The following PDE3A variants were observed in gnomAD, a reference collection of about 807,000 sequenced individuals.
The protein encoded by PDE3A is phosphodiesterase 3A, also known as cGMP-inhibited 3',5'-cyclic phosphodiesterase 3A.
Under a neutral mutation model 98.3 loss-of-function variants are expected in PDE3A, and 43 were observed. That is an observed-to-expected ratio of 0.44 (90% CI 0.34 to 0.56). PDE3A has a LOEUF of 0.56. Ranked by LOEUF, PDE3A falls within the 20% of genes least tolerant of loss-of-function variation. PDE3A has a pLI of 0.01. For synonymous variants in PDE3A, 663 were observed against 567.9 expected (o/e 1.17, Z -2.38); for missense variants, 1,427 against 1,440.7 (o/e 0.99, Z 0.15).
intron 1 of PDE3A, among the ~76,000 whole-genome samples, chr12:20,448,657 C>A (rs766623778): frequency 2.0e-5 from 3 of 151,484 alleles, no homozygotes; most frequent in Non-Finnish European, 4.4e-5. Flanking sequence ...TACGTAATTT[C>A]TAATATTGAT....
chr12:20,421,094 A>G (rs1944504750), intron 1 of PDE3A, among the ~76,000 whole-genome samples: 1 of 152,174 alleles, frequency 6.6e-6, no homozygotes, highest in Non-Finnish European at 1.5e-5. Flanking sequence ...CCACAATAAT[A>G]TTGACAAATA....
intron 2 of PDE3A, among the ~76,000 whole-genome samples, chr12:20,605,765 C>A (rs1943695673): frequency 1.3e-5 from 2 of 152,164 alleles, no homozygotes; most frequent in African/African-American, 2.4e-5. Flanking sequence ...TTTCTCAATT[C>A]TAATGTTTCA....
At chr12:20,443,603 G>A (rs931329756) in intron 1 of PDE3A, among the ~76,000 whole-genome samples, 2 of 152,020 alleles carry the variant, frequency 1.3e-5, no homozygotes, top group African/African-American at 4.8e-5. Context: ...TTTGCTGTGT[G>A]TACATTAAAT....
intron 1 of PDE3A, among the ~76,000 whole-genome samples, chr12:20,515,326 A>C (rs1185160691): frequency 6.6e-6 from 1 of 152,250 alleles, no homozygotes; most frequent in African/African-American, 2.4e-5. Context: ...TATACCACTA[A>C]CATGTTAAAT....
intron 5 of PDE3A, among the ~76,000 whole-genome samples, chr12:20,624,007 A>T (rs1944200580): frequency 2.0e-5 from 3 of 152,140 alleles, no homozygotes; most frequent in Admixed American, 2.0e-4. Flanking sequence ...GACAGTAATA[A>T]TACGTAATTC....
intron 1 of PDE3A, among the ~76,000 whole-genome samples, chr12:20,533,787 C>G (rs549842404): frequency 1.4e-4 from 21 of 151,990 alleles, no homozygotes; most frequent in Non-Finnish European, 2.8e-4. Flanking sequence ...CGCCCGGCCC[C>G]CACTTTCTTA....
chr12:20,568,424 C>T (rs1035405847), intron 2 of PDE3A, among the ~76,000 whole-genome samples: 1 of 151,768 alleles, frequency 6.6e-6, no homozygotes, highest in Non-Finnish European at 1.5e-5. Flanking sequence ...ATTCTATGTT[C>T]GTCATTTTAT....
At chr12:20,611,558 A>T (rs1429640270) in intron 2 of PDE3A, among the ~76,000 whole-genome samples, 1 of 151,934 alleles carries the variant, frequency 6.6e-6, no homozygotes, top group Non-Finnish European at 1.5e-5. Context: ...TGAAAGTAAT[A>T]ATAGTACTTA....
intron 2 of PDE3A, among the ~76,000 whole-genome samples, chr12:20,568,857 G>T (rs1173599854): frequency 6.6e-6 from 1 of 151,966 alleles, no homozygotes; most frequent in Non-Finnish European, 1.5e-5. Flanking sequence ...AGTTTAGAGA[G>T]CATGGAAAAG....
chr12:20,449,581 T>C, intron 1 of PDE3A: 2 of 315,836 alleles, frequency 6.3e-6, no homozygotes, highest in Middle Eastern at 1.0e-3. Context: ...GTGGGGTATC[T>C]GAATGCACTG....
chr12:20,432,482 C>T (rs12367495), intron 1 of PDE3A, among the ~76,000 whole-genome samples: 49,644 of 151,890 alleles, frequency 0.33, 9,681 homozygotes, highest in East Asian at 0.57. Context: ...TGGGAGGAAA[C>T]TTCTGGAGGT....
intron 2 of PDE3A, among the ~76,000 whole-genome samples, chr12:20,582,050 T>C (rs1592079523): frequency 6.6e-6 from 1 of 152,172 alleles, no homozygotes; most frequent in East Asian, 1.9e-4. Context: ...TTTTTTTAAT[T>C]TTCCAAACTC....
At chr12:20,672,062 TAGAG>T (rs1284077215) in intron 15 of PDE3A, among the ~76,000 whole-genome samples, 3 of 150,294 alleles carry the variant, frequency 2.0e-5, no homozygotes, top group Non-Finnish European at 4.5e-5. Flanking sequence ...AACAGACAAA[TAGAG>T]AGCCAAATCA....
intron 6 of PDE3A, among the ~76,000 whole-genome samples, chr12:20,632,928 AAAAT>A (rs371180043): frequency 6.6e-6 from 1 of 151,180 alleles, no homozygotes; most frequent in African/African-American, 2.4e-5. Context: ...CCAATTAAAT[AAAAT>A]AAATCTAATA....
chr12:20,505,317 CTT>C (rs991001052), intron 1 of PDE3A, among the ~76,000 whole-genome samples: 9 of 152,052 alleles, frequency 5.9e-5, no homozygotes, highest in African/African-American at 2.2e-4. Flanking sequence ...TTTGCAATCT[CTT>C]ATGAATCATT....
chr12:20,465,808 G>A (rs1239598090), intron 1 of PDE3A, among the ~76,000 whole-genome samples: 1 of 152,144 alleles, frequency 6.6e-6, no homozygotes, highest in African/African-American at 2.4e-5. Flanking sequence ...AGGGAAAGAA[G>A]GTAGGACAAA....
chr12:20,537,849 T>TAAA (rs33973053), intron 1 of PDE3A, among the ~76,000 whole-genome samples: 4,934 of 145,092 alleles, frequency 0.034, 123 homozygotes, highest in Middle Eastern at 0.057. Context: ...CCTTTGTTCT[T>TAAA]AAAAAAAAAA....
intron 2 of PDE3A, among the ~76,000 whole-genome samples, chr12:20,581,855 G>A (rs574759720): frequency 3.3e-5 from 5 of 151,818 alleles, no homozygotes; most frequent in Admixed American, 6.6e-5. Flanking sequence ...CTCGTGATCC[G>A]CCCGCCTCGG....
intron 2 of PDE3A, among the ~76,000 whole-genome samples, chr12:20,583,745 T>G (rs545164836): frequency 1.3e-5 from 2 of 152,242 alleles, no homozygotes; most frequent in African/African-American, 4.8e-5. Context: ...TTATTTAATT[T>G]ACTGTTACTA....
Sources: allele counts gnomAD v4.1 joint callset (sites outside exome capture counted in the v4.1 genomes callset), GRCh38; gene constraint gnomAD v4.1.1; transcripts MANE v1.5; gene names NCBI Gene and HGNC (gene_info 2026-07-23, HGNC 2026-07-21).